LOC128125818: variants seen among roughly 807,000 people sequenced by gnomAD.
the LOC128125818 span, among the ~76,000 whole-genome samples, chr4:6,066,122 C>T: frequency 6.6e-6 from 1 of 152,144 alleles, no homozygotes; most frequent in African/African-American, 2.4e-5. Flanking sequence ...TCTGCTGGCT[C>T]ATCCAAAACA....
chr4:6,069,626 G>A, the LOC128125818 span, among the ~76,000 whole-genome samples: 8 of 152,038 alleles, frequency 5.3e-5, no homozygotes, highest in Non-Finnish European at 1.0e-4. The surrounding 1 kb of genome is among the most constrained non-coding windows in gnomAD (Gnocchi z 4.5). Flanking sequence ...GGTGGCTGAC[G>A]CCTGTAGTCC....
chr4:6,065,828 G>C, the LOC128125818 span, among the ~76,000 whole-genome samples: 1 of 152,036 alleles, frequency 6.6e-6, no homozygotes, highest in African/African-American at 2.4e-5. The surrounding 1 kb of genome is among the most constrained non-coding windows in gnomAD (Gnocchi z 5.1). Context: ...AGAAAACACT[G>C]GCAAAGCTCC....
the LOC128125818 span, among the ~76,000 whole-genome samples, chr4:6,068,029 C>T: frequency 6.6e-6 from 1 of 152,230 alleles, no homozygotes; most frequent in Non-Finnish European, 1.5e-5. Flanking sequence ...TGGGCTGTGA[C>T]CATCCACGTC....
the LOC128125818 span, among the ~76,000 whole-genome samples, chr4:6,068,727 T>C: frequency 6.6e-6 from 1 of 151,896 alleles, no homozygotes; most frequent in Non-Finnish European, 1.5e-5. Flanking sequence ...CTGGCTAATT[T>C]TTGTACATAT....
the LOC128125818 span, among the ~76,000 whole-genome samples, chr4:6,069,630 G>A: frequency 6.6e-6 from 1 of 152,076 alleles, no homozygotes; most frequent in South Asian, 2.1e-4. The surrounding 1 kb of genome is among the most constrained non-coding windows in gnomAD (Gnocchi z 4.5). Flanking sequence ...GCTGACGCCT[G>A]TAGTCCCAGC....
At chr4:6,069,946 C>T in the LOC128125818 span, 1 of 395,916 alleles carries the variant, frequency 2.5e-6, no homozygotes. This position sits in a 1 kb window ranked among gnomAD's most constrained non-coding sequence, Gnocchi z 4.5. Flanking sequence ...TGTCTTCTCA[C>T]CTTCCTATCA....
the LOC128125818 span, among the ~76,000 whole-genome samples, chr4:6,069,529 G>T: frequency 2.8e-3 from 423 of 152,178 alleles, 1 homozygote; most frequent in Non-Finnish European, 4.5e-3. This position sits in a 1 kb window ranked among gnomAD's most constrained non-coding sequence, Gnocchi z 4.5. Flanking sequence ...CAGAAAGATC[G>T]CTTGAGCCCA....
chr4:6,068,466 C>A, the LOC128125818 span, among the ~76,000 whole-genome samples: 1 of 152,104 alleles, frequency 6.6e-6, no homozygotes, highest in South Asian at 2.1e-4. Context: ...CACAGCCAGG[C>A]ACGGCACACA....
the LOC128125818 span, among the ~76,000 whole-genome samples, chr4:6,067,056 G>GCTTCA: frequency 1.3e-5 from 2 of 152,114 alleles, no homozygotes; most frequent in East Asian, 3.9e-4. The surrounding 1 kb of genome is among the most constrained non-coding windows in gnomAD (Gnocchi z 4.6). Context: ...GGTCCCTCCT[G>GCTTCA]CTTCACCCCC....
At chr4:6,065,416 C>T in the LOC128125818 span, among the ~76,000 whole-genome samples, 1 of 152,244 alleles carries the variant, frequency 6.6e-6, no homozygotes, top group Non-Finnish European at 1.5e-5. This position sits in a 1 kb window ranked among gnomAD's most constrained non-coding sequence, Gnocchi z 5.1. Flanking sequence ...GAGCAGCGCA[C>T]TGGCTGTACC....
the LOC128125818 span, among the ~76,000 whole-genome samples, chr4:6,067,595 G>GCACACA: frequency 2.0e-5 from 3 of 149,530 alleles, no homozygotes; most frequent in East Asian, 3.9e-4. This position sits in a 1 kb window ranked among gnomAD's most constrained non-coding sequence, Gnocchi z 4.6. Flanking sequence ...AAGCTCTTCT[G>GCACACA]CACACACAGG....
At chr4:6,069,203 T>C in the LOC128125818 span, among the ~76,000 whole-genome samples, 4 of 152,200 alleles carry the variant, frequency 2.6e-5, no homozygotes, top group Admixed American at 2.6e-4. The surrounding 1 kb of genome is among the most constrained non-coding windows in gnomAD (Gnocchi z 4.5). Context: ...TTTCCTGTCA[T>C]GACTGGCACA....
chr4:6,067,821 C>T, the LOC128125818 span, among the ~76,000 whole-genome samples: 1 of 134,488 alleles, frequency 7.4e-6, no homozygotes, highest in Non-Finnish European at 1.6e-5. This position sits in a 1 kb window ranked among gnomAD's most constrained non-coding sequence, Gnocchi z 4.6. Flanking sequence ...CTGAGCTCCA[C>T]GTTCACTCAA....
At chr4:6,068,643 C>T in the LOC128125818 span, among the ~76,000 whole-genome samples, 4 of 150,754 alleles carry the variant, frequency 2.7e-5, no homozygotes, top group Non-Finnish European at 5.9e-5. Context: ...CTACAACTTC[C>T]GTCTCCCAAG....
chr4:6,070,078 C>T, the LOC128125818 span: 1 of 398,826 alleles, frequency 2.5e-6, no homozygotes, highest in Non-Finnish European at 4.4e-6. Flanking sequence ...TAGGTCATCT[C>T]CTGGCAGCCA....
the LOC128125818 span, among the ~76,000 whole-genome samples, chr4:6,069,556 C>G: frequency 6.6e-6 from 1 of 152,038 alleles, no homozygotes; most frequent in East Asian, 1.9e-4. The surrounding 1 kb of genome is among the most constrained non-coding windows in gnomAD (Gnocchi z 4.5). Context: ...CAAGATCAAC[C>G]TGGGCCACAT....
At chr4:6,065,133 A>C in the LOC128125818 span, 1 of 1,201,396 alleles carries the variant, frequency 8.3e-7, no homozygotes, top group South Asian at 1.3e-5. This position sits in a 1 kb window ranked among gnomAD's most constrained non-coding sequence, Gnocchi z 5.1. Context: ...GGGCATCACA[A>C]GATGCGGTTG....
chr4:6,070,062 T>G, the LOC128125818 span: 1 of 398,606 alleles, frequency 2.5e-6, no homozygotes, highest in African/African-American at 2.1e-5. Flanking sequence ...CCTACCTTCA[T>G]GCTTATAGGT....
chr4:6,065,131 C>T, the LOC128125818 span: 7 of 1,215,746 alleles, frequency 5.8e-6, no homozygotes, highest in Non-Finnish European at 8.3e-6. The surrounding 1 kb of genome is among the most constrained non-coding windows in gnomAD (Gnocchi z 5.1). Context: ...TGGGGCATCA[C>T]AAGATGCGGT....
Sources: allele counts gnomAD v4.1 joint callset (sites outside exome capture counted in the v4.1 genomes callset), GRCh38; gene constraint gnomAD v4.1.1; non-coding constraint Gnocchi (gnomAD v3.1); transcripts MANE v1.5.